The following PTPRG variants were observed in gnomAD, a reference collection of about 807,000 sequenced individuals.
The protein encoded by PTPRG is receptor-type tyrosine-protein phosphatase gamma.
In PTPRG, 102 loss-of-function variants were observed where a neutral mutation model predicts 165.3. The observed-to-expected ratio is 0.62, with a 90% CI of 0.53 to 0.73. PTPRG has a LOEUF of 0.73. PTPRG is among the 30% of genes least tolerant of loss of function. The pLI, the probability that PTPRG is intolerant of heterozygous loss-of-function variation, is 0.00. For missense variants in PTPRG, 1,866 were observed against 1,861.4 expected (o/e 1.00, Z -0.05); for synonymous variants, 675 against 669.5 (o/e 1.01, Z -0.13).
At chr3:61,753,963 A>C (rs669339) in intron 2 of PTPRG, among the ~76,000 whole-genome samples, 68,736 of 151,998 alleles carry the variant, frequency 0.45, 16,145 homozygotes, top group Non-Finnish European at 0.53. Flanking sequence ...AACAGGTGGT[A>C]GTTTCTTCCC....
chr3:62,097,114 A>G (rs761362879), intron 5 of PTPRG, among the ~76,000 whole-genome samples: 2 of 152,232 alleles, frequency 1.3e-5, no homozygotes, highest in Non-Finnish European at 2.9e-5. Flanking sequence ...GCGCTTAAGC[A>G]AAGGGCAAAC....
intron 27 of PTPRG, 133 bp from the exon 28 acceptor site, chr3:62,282,594 C>A: frequency 1.2e-6 from 1 of 807,584 alleles, no homozygotes; most frequent in Non-Finnish European, 1.8e-6. Flanking sequence ...TTCTTTCCAG[C>A]TGTGGTTTGG....
Position 62,092,694 on chromosome 3 carries a change from G to C in PTPRG, c.615+14436G>C, listed in dbSNP as rs9879902. Among the ~76,000 whole-genome samples the C allele has an allele frequency of 3.2e-3, 486 of 152,250 alleles. 4 individuals carry two copies. Among genetic ancestry groups the C allele is most frequent in the African/African-American group, 0.011 (450 of 41,552 alleles). ...TTGGAAAATAGGACCAGTAATAAGA[G>C]ACCTACCTTGGAGGGTCATTTTGAG... On this transcript the variant is annotated intron_variant, in intron 5 of 29. Transcript: ENST00000474889.
intron 2 of PTPRG, among the ~76,000 whole-genome samples, chr3:61,802,709 C>CT (rs1324983223): frequency 6.6e-6 from 1 of 152,138 alleles, no homozygotes; most frequent in African/African-American, 2.4e-5. Flanking sequence ...TTCTGACTGT[C>CT]TGTCTCTGTG....
chr3:62,138,003 T>C (rs955077073), intron 6 of PTPRG, among the ~76,000 whole-genome samples: 5 of 152,220 alleles, frequency 3.3e-5, no homozygotes, highest in African/African-American at 1.2e-4. Flanking sequence ...TTGCTCTCAA[T>C]TGGTCATTGT....
At chr3:62,086,860 G>T (rs1470850674) in intron 5 of PTPRG, among the ~76,000 whole-genome samples, 1 of 141,092 alleles carries the variant, frequency 7.1e-6, no homozygotes, top group African/African-American at 3.0e-5. Context: ...CCTATCAGGT[G>T]TTTTCAGCAC....
chr3:61,706,783 C>T (rs1188956076), intron 1 of PTPRG, among the ~76,000 whole-genome samples: 2 of 152,004 alleles, frequency 1.3e-5, no homozygotes, highest in Non-Finnish European at 2.9e-5. Flanking sequence ...AGCCACTGTG[C>T]CCGGCCAGTA....
chr3:62,054,968 T>C (rs563839518), intron 4 of PTPRG, among the ~76,000 whole-genome samples: 1 of 152,344 alleles, frequency 6.6e-6, no homozygotes, highest in East Asian at 1.9e-4. Context: ...CGATTGCTCA[T>C]TGGAATCAGG....
intron 1 of PTPRG, among the ~76,000 whole-genome samples, chr3:61,686,393 G>A (rs115202493): frequency 8.5e-5 from 13 of 152,236 alleles, no homozygotes; most frequent in Non-Finnish European, 1.3e-4. Flanking sequence ...GGCCTGTGCC[G>A]TGAGTAGTTG....
chr3:61,776,681 G>A (rs745827723), intron 2 of PTPRG, among the ~76,000 whole-genome samples: 1 of 151,308 alleles, frequency 6.6e-6, no homozygotes, highest in Non-Finnish European at 1.5e-5. Flanking sequence ...GCAATTATCT[G>A]TAGCCTTATA....
chr3:62,127,817 CTG>C (rs1703363767), intron 5 of PTPRG, among the ~76,000 whole-genome samples: 1 of 152,188 alleles, frequency 6.6e-6, no homozygotes, highest in Non-Finnish European at 1.5e-5. Flanking sequence ...GATGGGGTCT[CTG>C]TGCTTCCTTT....
At chr3:62,170,474 A>G (rs1397110289) in intron 8 of PTPRG, among the ~76,000 whole-genome samples, 1 of 152,132 alleles carries the variant, frequency 6.6e-6, no homozygotes, top group African/African-American at 2.4e-5. Context: ...CAAGCATATG[A>G]TATATCAGCT....
intron 2 of PTPRG, among the ~76,000 whole-genome samples, chr3:61,804,896 T>G (rs2035366966): frequency 6.6e-6 from 1 of 152,204 alleles, no homozygotes; most frequent in Admixed American, 6.5e-5. Context: ...TTCCCCCCTT[T>G]GCAGACACAG....
chr3:61,940,632 A>G (rs1232684323), intron 2 of PTPRG, among the ~76,000 whole-genome samples: 1 of 151,548 alleles, frequency 6.6e-6, no homozygotes, highest in Non-Finnish European at 1.5e-5. Context: ...ATTGATTTCT[A>G]TGGATTCAGT....
intron 6 of PTPRG, among the ~76,000 whole-genome samples, chr3:62,136,333 G>C (rs374199258): frequency 3.5e-4 from 54 of 152,274 alleles, no homozygotes; most frequent in African/African-American, 1.2e-3. Context: ...TCAAACTTTG[G>C]TGATTGGAGG....
At chr3:61,746,896 C>G (rs1417849780) in intron 1 of PTPRG, among the ~76,000 whole-genome samples, 1 of 152,176 alleles carries the variant, frequency 6.6e-6, no homozygotes, top group Non-Finnish European at 1.5e-5. Context: ...CTCACACCTG[C>G]CATCCCAACA....
At chr3:61,873,237 C>G (rs1337774169) in intron 2 of PTPRG, among the ~76,000 whole-genome samples, 1 of 152,098 alleles carries the variant, frequency 6.6e-6, no homozygotes, top group African/African-American at 2.4e-5. Context: ...TGGCTACAGC[C>G]TCAATGACAT....
chr3:62,182,436 TG>T (rs985888447), intron 8 of PTPRG, among the ~76,000 whole-genome samples: 62 of 152,350 alleles, frequency 4.1e-4, no homozygotes, highest in African/African-American at 1.4e-3. Context: ...TGGACTTTTT[TG>T]CTATCTAAGT....
intron 2 of PTPRG, among the ~76,000 whole-genome samples, chr3:61,794,475 C>A (rs189421457): frequency 6.6e-6 from 1 of 152,226 alleles, no homozygotes; most frequent in East Asian, 1.9e-4. Context: ...GTCAACATAC[C>A]GCCCATGCCT....
Sources: gnomAD v4.1 joint callset for allele counts (sites outside exome capture counted in the v4.1 genomes callset) on GRCh38, gnomAD v4.1.1 for gene constraint, MANE v1.5 for transcripts, NCBI Gene and HGNC (gene_info 2026-07-23, HGNC 2026-07-21) for gene names.